Variants in RHBDD3 observed in about 807,000 individuals in gnomAD.
The protein encoded by RHBDD3 is rhomboid domain containing 3, also known as rhomboid domain-containing protein 3.
In RHBDD3, 34 loss-of-function variants were observed where a neutral mutation model predicts 32.3. The observed-to-expected ratio is 1.05, with a 90% CI of 0.80 to 1.40. The LOEUF is 1.40. Ranked by LOEUF, RHBDD3 falls within the 40% of genes most tolerant of loss-of-function variation. The probability of loss-of-function intolerance (pLI) is 0.00; values close to 1 mark genes in which losing one functional copy is unlikely to be tolerated. For synonymous variants in RHBDD3, 249 were observed against 239.1 expected (o/e 1.04, Z -0.38); for missense variants, 482 against 492.6 (o/e 0.98, Z 0.20).
At chr22:29,262,851 C>T (rs2058135417) in intron 4 of RHBDD3, among the ~76,000 whole-genome samples, 2 of 151,936 alleles carry the variant, frequency 1.3e-5, no homozygotes, top group African/African-American at 4.8e-5. Flanking sequence ...GGACTACAGG[C>T]GCCTGCCACC....
Position 29,264,208 on chromosome 22 carries a change from C to A in RHBDD3, c.159G>T (p.Leu53=). 6.5e-7 allele frequency: 1 copy of A among 1,537,708 alleles called. No homozygotes were observed. The highest frequency in any genetic ancestry group is 1.3e-5 in the South Asian group (1 of 79,176). ...CCGTGTGGCCCAGGGCATGGGTCAG[C>A]AGCCGGTGCACTGGGAGAGAGAAGG... is the stretch of plus-strand genomic sequence containing the variant. ...LLLDPWQVHR[L]LTHALGHTAL... The change falls in exon 4 of 7, where the codon CTG becomes CTT. Residue 53 remains leucine (L), a synonymous_variant. Coordinates refer to ENST00000216085, the MANE Select transcript of RHBDD3 (RefSeq NM_012265.3).
chr22:29,262,622 A>AG (rs2058132680), intron 4 of RHBDD3, among the ~76,000 whole-genome samples: 1 of 152,260 alleles, frequency 6.6e-6, no homozygotes, highest in Non-Finnish European at 1.5e-5. Context: ...TGTGGGATCT[A>AG]TAAATCAACT....
rs1472983034 is a variant in RHBDD3, at chr22:29,260,232, T to G, written c.989A>C (p.Gln330Pro). The change falls in exon 7 of 7, where the codon CAG becomes CCG. Residue 330 changes from glutamine (Q) to proline (P), a missense_variant. Transcript: ENST00000216085. ...SKSSVSSLRLQQLERMGFPTE... is the reference protein window; with the variant it reads ...SKSSVSSLRLPQLERMGFPTE... Reference sequence around the variant, plus strand: ...AGGGAAGCCCATGCGCTCCAGCTGCTGCAGCCTGTTGGGGGTGGGGGGAGA... The same window carrying G: ...AGGGAAGCCCATGCGCTCCAGCTGCGGCAGCCTGTTGGGGGTGGGGGGAGA... The G allele has an allele frequency of 2.5e-6, 4 of 1,601,016 alleles. No individual in the cohort carries two copies. Among genetic ancestry groups the G allele is most frequent in the Non-Finnish European group, 3.4e-6 (4 of 1,174,560 alleles).
In RHBDD3 at chr22:29,264,126, C is replaced by A. The variant is rs777490118; in HGVS notation, c.241G>T (p.Glu81Ter). 2 of 1,584,542 alleles carry A rather than the reference C, an allele frequency of 1.3e-6. No individual in the cohort carries two copies. The highest frequency in any genetic ancestry group is 4.6e-5 in the East Asian group (2 of 43,802). Residue 81 changes from glutamate to a stop codon, truncating the protein, a stop_gained, in exon 4 of 7, where the codon GAG becomes TAG. Transcript: ENST00000216085. LOFTEE classifies it high-confidence loss of function. ...AATCTCAGCGTGCCCAGGTGGCACTCCTGCTGCCAGCCCACAGTGGGCAGG... is the reference window on the plus strand; with the variant it reads ...AATCTCAGCGTGCCCAGGTGGCACTACTGCTGCCAGCCCACAGTGGGCAGG... ...LLLPTVGWQQ[E>*]CHLGTLRFLH...
chr22:29,265,477 A>G lies in RHBDD3; in HGVS notation c.148+2T>C. The G allele has an allele frequency of 6.6e-7, 1 of 1,525,394 alleles. No homozygotes were observed. The highest frequency in any genetic ancestry group is 8.7e-7 in the Non-Finnish European group (1 of 1,143,820). The allele number at this position is 1,525,394 out of a possible 1,614,324, so 94.5% of individuals were successfully genotyped here. A position where few individuals can be genotyped will look rare whatever the true frequency, so the allele number is the denominator to read the frequency against. On this transcript the variant is annotated splice_donor_variant, in intron 3 of 6. Coordinates refer to ENST00000216085, the MANE Select transcript of RHBDD3 (RefSeq NM_012265.3). LOFTEE classifies it high-confidence loss of function. ...TCCAAGGTCCACGTGGCTGGCCCTC[A>G]CCCTGCCAGGGGTCCAGCAACAGCT...
chr22:29,260,917 G>T, intron 4 of RHBDD3, 53 bp from the exon 5 acceptor site: 1 of 1,479,560 alleles, frequency 6.8e-7, no homozygotes, highest in Non-Finnish European at 8.9e-7. Context: ...GCAGCCAGGG[G>T]TGGGCCCACG....
At position 29,264,192 on chromosome 22, in the gene RHBDD3, C is replaced by T. The variant is rs1209474114; in HGVS notation, c.175G>A (p.Gly59Ser). The T allele has an allele frequency of 2.6e-6, 4 of 1,562,594 alleles. No individual in the cohort carries two copies. ...AGCAGGCCTGGCAGGGCCGTGTGGC[C>T]CAGGGCATGGGTCAGCAGCCGGTGC... ...QVHRLLTHAL[G>S]HTALPGLLLS... The change falls in exon 4 of 7, where the codon GGC (glycine) becomes AGC (serine). Residue 59 changes from glycine (G) to serine (S), a missense_variant. Gly to Ser is a moderately conservative substitution (Grantham distance 56, BLOSUM62 0). Coordinates refer to ENST00000216085, the MANE Select transcript of RHBDD3 (RefSeq NM_012265.3).
intron 3 of RHBDD3, 60 bp downstream of exon 3, chr22:29,265,419 G>A (rs1761957555): frequency 7.1e-7 from 1 of 1,401,390 alleles, no homozygotes; most frequent in Non-Finnish European, 9.4e-7. Flanking sequence ...CCTGCCAAGT[G>A]GGCCCAGGCC....
Position 29,265,577 on chromosome 22 carries a change from G to A in RHBDD3, c.50C>T (p.Ala17Val). The A allele has an allele frequency of 1.9e-6, 3 of 1,592,596 alleles. No individual in the cohort carries two copies. The highest frequency in any genetic ancestry group is 2.6e-6 in the Non-Finnish European group (3 of 1,172,070). ...CATCAGCAGCATCAGGACTGAGGAG[G>A]CCAGAGGCAGTGCTGGGGACAGTTG... ...HGQLSPALPL[A>V]SSVLMLLMST... The change falls in exon 3 of 7, where the codon GCC (alanine) becomes GTC (valine). Residue 17 changes from alanine (A) to valine (V), a missense_variant. Transcript: ENST00000216085.
intron 4 of RHBDD3, among the ~76,000 whole-genome samples, chr22:29,263,218 T>C (rs2058139508): frequency 6.6e-6 from 1 of 152,254 alleles, no homozygotes; most frequent in Non-Finnish European, 1.5e-5. Flanking sequence ...CTAATTTTTG[T>C]ATTTTTAGTA....
Position 29,260,706 on chromosome 22 carries a change from C to G in RHBDD3, c.691G>C (p.Val231Leu). The G allele has an allele frequency of 6.3e-7, 1 of 1,579,428 alleles. No homozygotes were observed. Among genetic ancestry groups the G allele is most frequent in the Non-Finnish European group, 8.6e-7 (1 of 1,163,464 alleles). ...CATCCCCCCCATCACCCTCACCTCA[C>G]TCCGGCAGGATGGGTGACAGGCAGC... Reference protein sequence around the residue: ...AELPVTHPAGVRPPIPGPPYV... With the variant: ...AELPVTHPAGLRPPIPGPPYV... The change falls in exon 5 of 7, where the codon GTG becomes CTG. Residue 231 changes from valine to leucine, a missense_variant. Coordinates refer to ENST00000216085, the MANE Select transcript of RHBDD3 (RefSeq NM_012265.3).
chr22:29,267,615 G>A (rs546481438), intron 1 of RHBDD3, 38 bp from the exon 2 acceptor site: 1 of 154,010 alleles, frequency 6.5e-6, no homozygotes, highest in East Asian at 1.9e-4. Context: ...GATGATTAAA[G>A]GGCCTGCTCC....
intron 2 of RHBDD3, among the ~76,000 whole-genome samples, chr22:29,266,740 C>G (rs1328136725): frequency 6.6e-6 from 1 of 152,246 alleles, no homozygotes; most frequent in African/African-American, 2.4e-5. Flanking sequence ...TGAGCTGATT[C>G]AGGGCAGGAA....
At chr22:29,264,264 T>C (rs934341333) in intron 3 of RHBDD3, 46 bp from the exon 4 acceptor site, 1 of 1,473,952 alleles carries the variant, frequency 6.8e-7, no homozygotes, top group Non-Finnish European at 9.0e-7. Context: ...GGCCCCAACA[T>C]CCAAGGCTGT....
chr22:29,262,142 T>TA, intron 4 of RHBDD3: 1 of 100,278 alleles, frequency 1.0e-5, no homozygotes, highest in African/African-American at 3.0e-5. Flanking sequence ...TGTACGGCTT[T>TA]TTTTTTTTTT....
intron 2 of RHBDD3, among the ~76,000 whole-genome samples, chr22:29,267,124 C>T (rs754049540): frequency 1.1e-4 from 16 of 152,230 alleles, no homozygotes; most frequent in Non-Finnish European, 1.9e-4. Flanking sequence ...GGCTCCTGGT[C>T]CTGCCGAGGG....
At chr22:29,261,353 T>C (rs746218266) in intron 4 of RHBDD3, 8 of 467,132 alleles carry the variant, frequency 1.7e-5, no homozygotes, top group African/African-American at 4.0e-5. Context: ...TCCCAGCACT[T>C]GGGGAGGCTG....
intron 4 of RHBDD3, among the ~76,000 whole-genome samples, chr22:29,262,520 T>C (rs1055157601): frequency 2.0e-5 from 3 of 152,228 alleles, no homozygotes; most frequent in African/African-American, 7.2e-5. Context: ...TCTGAGGTAT[T>C]CTGGGTTCTT....
intron 4 of RHBDD3, chr22:29,261,220 G>T: frequency 1.9e-6 from 1 of 523,052 alleles, no homozygotes. Context: ...CTTCAGACAG[G>T]CCTGGATAAC....
Sources: allele counts gnomAD v4.1 joint callset (sites outside exome capture counted in the v4.1 genomes callset), GRCh38; gene constraint gnomAD v4.1.1; transcripts MANE v1.5; gene names NCBI Gene and HGNC (gene_info 2026-07-23, HGNC 2026-07-21).